MAN1C1: variants seen among roughly 807,000 people sequenced by gnomAD.
MAN1C1 encodes mannosyl-oligosaccharide 1,2-alpha-mannosidase IC.
In MAN1C1, 49 loss-of-function variants were observed where a neutral mutation model predicts 71.5. The ratio of observed to expected loss-of-function variants is 0.69; its 90% CI spans 0.54 to 0.87. MAN1C1 has a LOEUF of 0.87. Among genes scored for constraint, MAN1C1 ranks in the 40% least tolerant of loss-of-function variants. The pLI is 0.00. For missense variants in MAN1C1, 743 were observed against 835.0 expected (o/e 0.89, Z 1.36); for synonymous variants, 352 against 343.7 (o/e 1.02, Z -0.27).
At chr1:25,728,104 C>T (rs1029064885) in intron 2 of MAN1C1, among the ~76,000 whole-genome samples, 18 of 152,314 alleles carry the variant, frequency 1.2e-4, no homozygotes, top group African/African-American at 3.1e-4. Context: ...TCCCTTTGGG[C>T]GGCTCAGCTA....
chr1:25,624,753 C>T (rs1488393560), intron 1 of MAN1C1, among the ~76,000 whole-genome samples: 1 of 152,186 alleles, frequency 6.6e-6, no homozygotes, highest in African/African-American at 2.4e-5. Context: ...TTCTCTCCTC[C>T]TTCCACCTCT....
chr1:25,714,498 CA>C (rs1553189573), intron 2 of MAN1C1, among the ~76,000 whole-genome samples: 1 of 152,072 alleles, frequency 6.6e-6, no homozygotes, highest in Non-Finnish European at 1.5e-5. Flanking sequence ...AATGCATCCT[CA>C]AGCATTGATT....
chr1:25,731,011 T>C (rs2046901955), intron 2 of MAN1C1, among the ~76,000 whole-genome samples: 1 of 152,176 alleles, frequency 6.6e-6, no homozygotes, highest in Non-Finnish European at 1.5e-5. Flanking sequence ...CCACAATCGC[T>C]GCTGCTTTAA....
At chr1:25,754,193 C>T (rs2047254350) in intron 5 of MAN1C1, among the ~76,000 whole-genome samples, 1 of 152,138 alleles carries the variant, frequency 6.6e-6, no homozygotes, top group Admixed American at 6.5e-5. Flanking sequence ...TCGAGGCCCT[C>T]CAACAATCCC....
Position 25,746,601 on chromosome 1 carries a change from G to A in MAN1C1, c.638-67G>A. ...GCATTGGAGGGGCCCTGAGAACGGT[G>A]GCTTGTCCAGTTGGGGAAAAGAGAA... On this transcript the variant is annotated intron_variant, in intron 2 of 11. Transcript: ENST00000374332. The surrounding 1 kb of genome is among the most constrained non-coding windows in gnomAD (Gnocchi z 4.0). The A allele has an allele frequency of 7.9e-7, 1 of 1,264,810 alleles. No homozygotes were observed. Among genetic ancestry groups the A allele is most frequent in the South Asian group, 1.3e-5 (1 of 79,888 alleles). 78.3% of individuals were successfully genotyped at this position (1,264,810 alleles called of 1,614,324 possible).
At chr1:25,632,937 G>C (rs1282694997) in intron 1 of MAN1C1, among the ~76,000 whole-genome samples, 2 of 139,676 alleles carry the variant, frequency 1.4e-5, no homozygotes, top group African/African-American at 5.3e-5. Flanking sequence ...GCACAATCTT[G>C]GCTCACTGCA....
Position 25,618,333 on chromosome 1 carries a change from A to C in MAN1C1, c.536A>C (p.Lys179Thr). The change falls in exon 1 of 12, where the codon AAG (lysine) becomes ACG (threonine). Residue 179 changes from lysine (K) to threonine (T), a missense_variant. Coordinates refer to ENST00000374332, the MANE Select transcript of MAN1C1 (RefSeq NM_020379.4). ...GTGCGAGCCCAGCGGGAGAAAATCA[A>C]GGAGGTATGGACTCAGCCCCCAAAC... Reference protein sequence around the residue: ...SQVRAQREKIKEMMQFAWQSY... With the variant: ...SQVRAQREKITEMMQFAWQSY... 1 of 1,599,584 alleles carries C rather than the reference A, an allele frequency of 6.3e-7. No individual in the cohort carries two copies. Among genetic ancestry groups the C allele is most frequent in the Non-Finnish European group, 8.5e-7 (1 of 1,175,244 alleles).
chr1:25,719,845 G>T (rs117382860), intron 2 of MAN1C1, among the ~76,000 whole-genome samples: 1 of 151,890 alleles, frequency 6.6e-6, no homozygotes, highest in African/African-American at 2.4e-5. Flanking sequence ...ATAGAGTGGC[G>T]CAATCCTGGC....
chr1:25,698,351 CT>C (rs2124209234), intron 2 of MAN1C1, among the ~76,000 whole-genome samples: 1 of 152,254 alleles, frequency 6.6e-6, no homozygotes, highest in Non-Finnish European at 1.5e-5. Context: ...ATCACGTTTC[CT>C]TTCTTAGCCT....
chr1:25,740,333 C>T (rs562500360), intron 2 of MAN1C1, among the ~76,000 whole-genome samples: 3 of 152,146 alleles, frequency 2.0e-5, no homozygotes, highest in East Asian at 3.9e-4. Flanking sequence ...GCCCCAGGGA[C>T]GGGAAGGACT....
At chr1:25,747,981 T>A (rs1206156662) in intron 3 of MAN1C1, among the ~76,000 whole-genome samples, 1 of 152,148 alleles carries the variant, frequency 6.6e-6, no homozygotes, top group Non-Finnish European at 1.5e-5. Flanking sequence ...TTTCTGGTTG[T>A]TTGTGTGAGG....
intron 2 of MAN1C1, among the ~76,000 whole-genome samples, chr1:25,721,327 T>C (rs1292208275): frequency 1.3e-5 from 2 of 152,118 alleles, no homozygotes; most frequent in Non-Finnish European, 2.9e-5. Flanking sequence ...AAAAAGCCAG[T>C]TGGGATTTTG....
chr1:25,767,695 C>T (rs1332623524), intron 7 of MAN1C1, among the ~76,000 whole-genome samples: 1 of 131,652 alleles, frequency 7.6e-6, no homozygotes. Flanking sequence ...CATACATCCA[C>T]ACTCCCCTCA....
intron 4 of MAN1C1, among the ~76,000 whole-genome samples, chr1:25,749,655 G>C (rs1420389474): frequency 6.6e-6 from 1 of 152,204 alleles, no homozygotes; most frequent in African/African-American, 2.4e-5. Flanking sequence ...CCATTCTGCT[G>C]CCCAGGTGAG....
At chr1:25,772,803 T>A (rs576187176) in intron 8 of MAN1C1, among the ~76,000 whole-genome samples, 1 of 152,270 alleles carries the variant, frequency 6.6e-6, no homozygotes, top group South Asian at 2.1e-4. Context: ...CACCCTGACT[T>A]CACGCCTGCC....
chr1:25,753,662 AG>A lies in MAN1C1; in HGVS notation c.929+86del. ...TTTTGTCTGGGTGGTGCTGGTGAGG[AG>A]GCTCCAGGGGCAGTAGGCAGGCAAG... is the stretch of plus-strand genomic sequence containing the variant. On this transcript the variant is annotated intron_variant, in intron 5 of 11. Transcript: ENST00000374332. This position sits in a 1 kb window ranked among gnomAD's most constrained non-coding sequence, Gnocchi z 4.9. 2 of 1,273,188 alleles carry A rather than the reference AG, an allele frequency of 1.6e-6. No individual in the cohort carries two copies. Among genetic ancestry groups the A allele is most frequent in the Non-Finnish European group, 2.2e-6 (2 of 900,350 alleles). 78.9% of individuals were successfully genotyped at this position (1,273,188 alleles called of 1,614,324 possible).
chr1:25,621,372 G>GT (rs888484896), intron 1 of MAN1C1, among the ~76,000 whole-genome samples: 1 of 152,218 alleles, frequency 6.6e-6, no homozygotes, highest in Non-Finnish European at 1.5e-5. Context: ...ATCACGAAGA[G>GT]TAAAGGTGTT....
chr1:25,716,515 C>G (rs1168004494), intron 2 of MAN1C1, among the ~76,000 whole-genome samples: 1 of 152,148 alleles, frequency 6.6e-6, no homozygotes, highest in African/African-American at 2.4e-5. Flanking sequence ...TTAGTAGACA[C>G]AGGATTCTGC....
intron 6 of MAN1C1, chr1:25,761,110 G>A (rs1001592339): frequency 3.3e-5 from 5 of 152,192 alleles, no homozygotes; most frequent in African/African-American, 4.8e-5. Context: ...CAGGTTTCTT[G>A]TCTGTTACAC....
Sources: gnomAD v4.1 joint callset for allele counts (sites outside exome capture counted in the v4.1 genomes callset) on GRCh38, gnomAD v4.1.1 for gene constraint, Gnocchi (gnomAD v3.1) non-coding constraint, MANE v1.5 for transcripts, NCBI Gene and HGNC (gene_info 2026-07-23, HGNC 2026-07-21) for gene names.